WDR31: variants seen among roughly 807,000 people sequenced by gnomAD.
The protein encoded by WDR31 is WD repeat domain 31.
A neutral mutation model predicts 47.3 loss-of-function variants in WDR31; 30 were observed. That is an observed-to-expected ratio of 0.63 (90% confidence interval 0.47 to 0.86). WDR31 has a LOEUF of 0.86. Ranked by LOEUF, WDR31 falls within the 40% of genes least tolerant of loss-of-function variation. The pLI is 0.00. For synonymous variants in WDR31, 137 were observed against 159.4 expected (o/e 0.86, Z 1.06); for missense variants, 406 against 442.9 (o/e 0.92, Z 0.75).
At chr9:113,332,218 A>C (rs1161725720) in intron 2 of WDR31, among the ~76,000 whole-genome samples, 168 bp from the exon 3 acceptor site, 1 of 152,210 alleles carries the variant, frequency 6.6e-6, no homozygotes, top group Non-Finnish European at 1.5e-5. Context: ...AACAAAACTG[A>C]TTTTAAAAAA....
At chr9:113,338,390 CGTT>C (rs981976795) in intron 1 of WDR31, among the ~76,000 whole-genome samples, 5 of 152,194 alleles carry the variant, frequency 3.3e-5, no homozygotes, top group African/African-American at 9.6e-5. Context: ...GTTATATCTA[CGTT>C]GTTGTAATTT....
At chr9:113,330,336 A>C (rs1253983561) in intron 4 of WDR31, among the ~76,000 whole-genome samples, 1 of 152,164 alleles carries the variant, frequency 6.6e-6, no homozygotes, top group Non-Finnish European at 1.5e-5. Flanking sequence ...CCTGTCCTCA[A>C]GTGATCCGCC....
chr9:113,319,915 A>G (rs1833287827), intron 9 of WDR31, among the ~76,000 whole-genome samples: 1 of 152,096 alleles, frequency 6.6e-6, no homozygotes, highest in Non-Finnish European at 1.5e-5. Flanking sequence ...CCTACTACCA[A>G]TTCAGAGAGC....
At chr9:113,326,553 A>C (rs1833474752) in intron 5 of WDR31, among the ~76,000 whole-genome samples, 1 of 151,648 alleles carries the variant, frequency 6.6e-6, no homozygotes, top group Admixed American at 6.6e-5. Context: ...TGCAGCCTCC[A>C]TCTCCCTGGC....
chr9:113,317,554 C>T (rs1311749443), intron 10 of WDR31, among the ~76,000 whole-genome samples: 2 of 152,224 alleles, frequency 1.3e-5, no homozygotes, highest in Non-Finnish European at 2.9e-5. Flanking sequence ...CTCCAGGTAA[C>T]AGTACAGCAG....
rs953378989 is a variant in WDR31, at chr9:113,319,226, G to A, written c.781-589C>T. On this transcript the variant is annotated intron_variant, in intron 9 of 10. Transcript: ENST00000374193. Reference sequence around the variant, plus strand: ...CATTGATACAGATCAGATCACAGCTGGAGAATAATGTTCAGGGAGGAGAGC... The same window carrying A: ...CATTGATACAGATCAGATCACAGCTAGAGAATAATGTTCAGGGAGGAGAGC... Among the ~76,000 whole-genome samples the A allele has an allele frequency of 2.0e-5, 3 of 152,310 alleles. No homozygotes were observed. In the East Asian group the frequency reaches 5.8e-4, roughly 29 times the overall value.
At chr9:113,327,714 C>G (rs530291587) in intron 5 of WDR31, among the ~76,000 whole-genome samples, 1 of 151,622 alleles carries the variant, frequency 6.6e-6, no homozygotes, top group South Asian at 2.1e-4. Flanking sequence ...GTTTTAAACT[C>G]CCGGCCTCGG....
chr9:113,336,086 C>T (rs1199301293), intron 2 of WDR31, among the ~76,000 whole-genome samples: 1 of 152,192 alleles, frequency 6.6e-6, no homozygotes, highest in African/African-American at 2.4e-5. Context: ...GGCTTCTTAT[C>T]TGCCAGCCTA....
At chr9:113,321,414 A>G in intron 8 of WDR31, 97 bp downstream of exon 8, 1 of 1,253,366 alleles carries the variant, frequency 8.0e-7, no homozygotes, top group Non-Finnish European at 1.1e-6. Context: ...TGGGAAGGGC[A>G]GAGCAATGTG....
At chr9:113,322,617 C>T (rs1169815418) in intron 7 of WDR31, among the ~76,000 whole-genome samples, 194 bp downstream of exon 7, 4 of 152,102 alleles carry the variant, frequency 2.6e-5, no homozygotes, top group Admixed American at 2.6e-4. Flanking sequence ...AAATCATTGT[C>T]TGGAGCAGAA....
At chr9:113,336,085 T>C (rs1833709964) in intron 2 of WDR31, among the ~76,000 whole-genome samples, 1 of 152,212 alleles carries the variant, frequency 6.6e-6, no homozygotes. Flanking sequence ...GGGCTTCTTA[T>C]CTGCCAGCCT....
intron 2 of WDR31, among the ~76,000 whole-genome samples, chr9:113,334,466 T>C (rs1833673735): frequency 6.6e-6 from 1 of 152,080 alleles, no homozygotes; most frequent in African/African-American, 2.4e-5. Flanking sequence ...ATGCAATAGG[T>C]TTATTGCTAT....
rs1341891536 is a variant in WDR31 at position 113,320,409 on chromosome 9, T to A, written c.728A>T (p.His243Leu). ...QTYCEVSVDG[H>L]KCISCSNGFG... ...GCCATTGCTGCAGGAGATACACTTG[T>A]GTCCATCCACACTGACTTCACAGTA... The change falls in exon 9 of 11, where the codon CAC (histidine) becomes CTC (leucine). Residue 243 changes from histidine (H) to leucine (L), a missense_variant. Physicochemically the swap from His to Leu is moderately conservative, Grantham distance 99 (BLOSUM62 -3). Coordinates refer to ENST00000374193, the MANE Select transcript of WDR31 (RefSeq NM_001012361.4). 4 of 1,614,268 alleles carry A rather than the reference T, an allele frequency of 2.5e-6. No homozygotes were observed. Among genetic ancestry groups the A allele is most frequent in the Non-Finnish European group, 3.4e-6 (4 of 1,180,038 alleles).
rs767837831 is a variant in WDR31, at chr9:113,316,911, T to TG, written c.944-3dup. The TG allele has an allele frequency of 8.1e-6, 13 of 1,612,530 alleles. No homozygotes were observed. The highest frequency in any genetic ancestry group is 1.1e-5 in the Non-Finnish European group (13 of 1,179,310). Reference sequence around the variant, plus strand: ...CCAGAGACAAGGTGAAAAGGCAGGCTGGGGGGGAAAGGGGGACCAGCAGAT... The same window carrying TG: ...CCAGAGACAAGGTGAAAAGGCAGGCTGGGGGGGGAAAGGGGGACCAGCAGAT... On this transcript the variant is annotated splice_region_variant and splice_polypyrimidine_tract_variant and intron_variant, in intron 10 of 10. Coordinates refer to ENST00000374193, the MANE Select transcript of WDR31 (RefSeq NM_001012361.4).
At position 113,331,029 on chromosome 9, in the gene WDR31, C is replaced by T; in HGVS notation, c.204G>A (p.Val68=). 6.2e-7 allele frequency: 1 copy of T among 1,612,314 alleles called. No individual in the cohort carries two copies. Among genetic ancestry groups the T allele is most frequent in the Non-Finnish European group, 8.5e-7 (1 of 1,178,690 alleles). ...CACAAAGGTCTGAGTTCAAAGCAGC[C>T]ACGACAGAGACGGTATCCATGTGAG... The part of the protein sequence containing the change: ...SPAHMDTVSV[V]AALNSDLCVS... The change falls in exon 4 of 11, where the codon GTG becomes GTA. Residue 68 remains valine, a synonymous_variant. Coordinates refer to ENST00000374193, the MANE Select transcript of WDR31 (RefSeq NM_001012361.4).
intron 2 of WDR31, among the ~76,000 whole-genome samples, chr9:113,335,302 ACATT>A (rs1215816738): frequency 6.6e-6 from 1 of 152,188 alleles, no homozygotes; most frequent in African/African-American, 2.4e-5. Flanking sequence ...ACCAGCATGA[ACATT>A]TGCTGGGACC....
intron 2 of WDR31, among the ~76,000 whole-genome samples, chr9:113,335,216 C>T (rs963490718): frequency 2.6e-5 from 4 of 152,128 alleles, no homozygotes; most frequent in African/African-American, 7.2e-5. Context: ...CAGGGAACAC[C>T]TCCTAAGCAC....
chr9:113,324,758 G>T (rs1588043586), intron 5 of WDR31, among the ~76,000 whole-genome samples: 1 of 151,464 alleles, frequency 6.6e-6, no homozygotes, highest in African/African-American at 2.4e-5. Context: ...GTTTATCCAT[G>T]AATCTGTCAA....
Position 113,320,352 on chromosome 9 carries a change from C to T in WDR31, c.780+5G>A. The T allele has an allele frequency of 6.2e-7, 1 of 1,613,950 alleles. No homozygotes were observed. Among genetic ancestry groups the T allele is most frequent in the Non-Finnish European group, 8.5e-7 (1 of 1,179,876 alleles). ...CAGATACCTGGACCTCACACAGTCT[C>T]CTACCGTGGCTTCACAGCCTTCTCC... is the stretch of plus-strand genomic sequence containing the variant. On this transcript the variant is annotated splice_donor_5th_base_variant and intron_variant, in intron 9 of 10. Transcript: ENST00000374193.
Sources: allele counts gnomAD v4.1 joint callset (sites outside exome capture counted in the v4.1 genomes callset), GRCh38; gene constraint gnomAD v4.1.1; transcripts MANE v1.5; gene names NCBI Gene and HGNC (gene_info 2026-07-23, HGNC 2026-07-21).